Variants in PCDHGA2 observed in about 807,000 individuals in gnomAD.
PCDHGA2 encodes protocadherin gamma-A2.
Under a neutral mutation model 59.2 loss-of-function variants are expected in PCDHGA2, and 40 were observed. The observed-to-expected ratio is 0.68, with a 90% CI of 0.52 to 0.88. The LOEUF (loss-of-function observed/expected upper bound fraction) is 0.88. PCDHGA2 is among the 40% of genes least tolerant of loss of function. The pLI, the probability that PCDHGA2 is intolerant of heterozygous loss-of-function variation, is 0.00. For synonymous variants in PCDHGA2, 560 were observed against 526.0 expected, an observed-to-expected ratio of 1.06 and a Z score of -0.89; for missense variants, 1,226 against 1,204.0, an observed-to-expected ratio of 1.02 and a Z score of -0.27.
chr5:141,438,526 G>A (rs188552043), intron 1 of PCDHGA2, among the ~76,000 whole-genome samples: 11 of 143,330 alleles, frequency 7.7e-5, no homozygotes, highest in Non-Finnish European at 1.5e-4. Flanking sequence ...ATTTTACATG[G>A]ACTTTTCCTC....
chr5:141,440,444 C>G (rs2098178389), intron 1 of PCDHGA2: 1 of 152,038 alleles, frequency 6.6e-6, no homozygotes, highest in Admixed American at 6.6e-5. Context: ...AAGGCGCCAT[C>G]TCAAAAAAAA....
chr5:141,425,528 C>CA (rs890632943), intron 1 of PCDHGA2, among the ~76,000 whole-genome samples: 1 of 152,200 alleles, frequency 6.6e-6, no homozygotes, highest in African/African-American at 2.4e-5. Context: ...AAACATGAAA[C>CA]AATAATCCTT....
chr5:141,430,837 C>T (rs1350348914), intron 1 of PCDHGA2: 4 of 1,559,956 alleles, frequency 2.6e-6, no homozygotes, highest in South Asian at 2.5e-5. Context: ...TGTGGGAGAC[C>T]GGATGCACCC....
chr5:141,415,056 G>T, intron 1 of PCDHGA2: 1 of 1,613,416 alleles, frequency 6.2e-7, no homozygotes. Context: ...GGGAGCACAC[G>T]GGCGAGGTGC....
chr5:141,477,932 C>G lies in PCDHGA2; in HGVS notation c.2425-16875C>G, dbSNP rs1193822505. The G allele has an allele frequency of 3.1e-6, 5 of 1,614,040 alleles. No individual in the cohort carries two copies. The highest frequency in any genetic ancestry group is 4.2e-6 in the Non-Finnish European group (5 of 1,180,042). On this transcript the variant is annotated intron_variant, in intron 1 of 3. Transcript: ENST00000394576. This position sits in a 1 kb window ranked among gnomAD's most constrained non-coding sequence, Gnocchi z 4.9. ...CGCGGATGCAGGGCACAATGCCTGG[C>G]TCTCCTACAGTCTCTTGGGATCCCC... is the stretch of plus-strand genomic sequence containing the variant.
At chr5:141,430,661 G>A in intron 1 of PCDHGA2, 1 of 1,159,744 alleles carries the variant, frequency 8.6e-7, no homozygotes, top group South Asian at 2.1e-5. Context: ...CAACGGAGGA[G>A]CTCTGACTTC....
rs773499765 is a variant in PCDHGA2 at position 141,489,626 on chromosome 5, A to T, written c.2425-5181A>T. 6.2e-6 allele frequency: 10 copies of T among 1,613,568 alleles called. No individual in the cohort carries two copies. In the South Asian group the frequency reaches 9.9e-5, roughly 16 times the overall value. On this transcript the variant is annotated intron_variant, in intron 1 of 3. Coordinates refer to ENST00000394576, the MANE Select transcript of PCDHGA2 (RefSeq NM_018915.4). The surrounding 1 kb of genome is among the most constrained non-coding windows in gnomAD (Gnocchi z 4.5). The stretch of plus-strand genomic sequence containing the variant: ...GTAGAGATCCTGGATCTCAATGACA[A>T]CTCTCCTAGCTTTGCCACCCCTGAG...
chr5:141,346,623 C>G lies in PCDHGA2; in HGVS notation c.2424+5228C>G, dbSNP rs535177018. 1.2e-4 allele frequency: 128 copies of G among 1,041,562 alleles called. 2 individuals carry two copies. The South Asian group carries it at 2.1e-3, about 17-fold the overall frequency. 64.5% of individuals were successfully genotyped at this position (1,041,562 alleles called of 1,614,324 possible). A position where few individuals can be genotyped will look rare whatever the true frequency, so the allele number is the denominator to read the frequency against. ...CTGGGCCTATAGTAGGACTGCACTC[C>G]CCGGTCTGGTTATGGTTGAGTGGGC... On this transcript the variant is annotated intron_variant, in intron 1 of 3. Coordinates refer to ENST00000394576, the MANE Select transcript of PCDHGA2 (RefSeq NM_018915.4).
At chr5:141,344,838 C>G (rs770956068) in intron 1 of PCDHGA2, 6 of 1,613,816 alleles carry the variant, frequency 3.7e-6, no homozygotes, top group South Asian at 3.3e-5. Flanking sequence ...TGCCACTGAC[C>G]CTGACGAGGG....
Position 141,485,183 on chromosome 5 carries a change from A to C in PCDHGA2, c.2425-9624A>C, listed in dbSNP as rs777796801. On this transcript the variant is annotated intron_variant, in intron 1 of 3. Transcript: ENST00000394576. This position sits in a 1 kb window ranked among gnomAD's most constrained non-coding sequence, Gnocchi z 5.7. ...TTAGCGGGCGGCAGCAATGCTCCGC[A>C]AGGTGAGAAGCTGGACAGAAATCTG... 1.9e-6 allele frequency: 3 copies of C among 1,613,248 alleles called. No individual in the cohort carries two copies. The highest frequency in any genetic ancestry group is 3.3e-5 in the Admixed American group (2 of 60,006).
rs779392461 is a variant in PCDHGA2, at chr5:141,428,623, TC to T, written c.2425-66183del. 3.1e-5 allele frequency: 6 copies of T among 193,516 alleles called. No individual in the cohort carries two copies. In the East Asian group the frequency reaches 5.4e-4, roughly 17 times the overall value. 12.0% of individuals were successfully genotyped at this position (193,516 alleles called of 1,614,324 possible). ...CACTGAAGAGAATAACAAGATAAGC[TC>T]TAACTCTGTTGCTCCTACTCACGTG... On this transcript the variant is annotated intron_variant, in intron 1 of 3. Coordinates refer to ENST00000394576, the MANE Select transcript of PCDHGA2 (RefSeq NM_018915.4).
At chr5:141,475,600 T>A (rs1023916159) in intron 1 of PCDHGA2, among the ~76,000 whole-genome samples, 2 of 152,192 alleles carry the variant, frequency 1.3e-5, no homozygotes, top group Admixed American at 1.3e-4. Context: ...TTCCAGACAA[T>A]GTTGTGTAGT....
rs1256790840 is a variant in PCDHGA2, at chr5:141,392,835, C to T, written c.2424+51440C>T. 8 of 1,608,038 alleles carry T rather than the reference C, an allele frequency of 5.0e-6. No individual in the cohort carries two copies. In the South Asian group the frequency reaches 5.5e-5, roughly 11 times the overall value. On this transcript the variant is annotated intron_variant, in intron 1 of 3. Coordinates refer to ENST00000394576, the MANE Select transcript of PCDHGA2 (RefSeq NM_018915.4). The stretch of plus-strand genomic sequence containing the variant: ...AACAATGGCCGCTCCACAGAGTCGC[C>T]CCAGACGCGGCGAGCTGATCCTGCT...
At position 141,408,231 on chromosome 5, in the gene PCDHGA2, G is replaced by C. The variant is rs775180708; in HGVS notation, c.2424+66836G>C. 1.0e-5 allele frequency: 16 copies of C among 1,567,976 alleles called. No individual in the cohort carries two copies. The highest frequency in any genetic ancestry group is 1.2e-5 in the Non-Finnish European group (14 of 1,156,162). ...GGAGGGAGCTGCGCGCAGAGGCGCC[G>C]GGCCGGCCCGCGGCAGGTGCTATTT... is the stretch of plus-strand genomic sequence containing the variant. On this transcript the variant is annotated intron_variant, in intron 1 of 3. Transcript: ENST00000394576.
chr5:141,394,451 G>A (rs774912185), intron 1 of PCDHGA2: 1 of 1,614,118 alleles, frequency 6.2e-7, no homozygotes, highest in Non-Finnish European at 8.5e-7. Flanking sequence ...GCAGCAACAT[G>A]TCACTGAGCC....
chr5:141,393,964 G>C, intron 1 of PCDHGA2: 1 of 1,613,870 alleles, frequency 6.2e-7, no homozygotes, highest in Middle Eastern at 1.6e-4. Flanking sequence ...CAAGTTGTCT[G>C]TTACACACGT....
chr5:141,383,486 T>C, intron 1 of PCDHGA2: 1 of 1,613,372 alleles, frequency 6.2e-7, no homozygotes, highest in Non-Finnish European at 8.5e-7. Context: ...GAACTGGTGC[T>C]GGAGCGGGTG....
intron 1 of PCDHGA2, among the ~76,000 whole-genome samples, chr5:141,469,206 A>T (rs752389937): frequency 6.6e-6 from 1 of 150,920 alleles, no homozygotes; most frequent in African/African-American, 2.4e-5. Flanking sequence ...AGCCTTTTGA[A>T]GTTGAGGCTT....
intron 1 of PCDHGA2, chr5:141,376,562 C>G: frequency 1.2e-6 from 2 of 1,608,850 alleles, no homozygotes; most frequent in Non-Finnish European, 8.5e-7. Context: ...CGCAACCCAA[C>G]TAATCAGACA....
Sources: allele counts gnomAD v4.1 joint callset (sites outside exome capture counted in the v4.1 genomes callset), GRCh38; gene constraint gnomAD v4.1.1; non-coding constraint Gnocchi (gnomAD v3.1); transcripts MANE v1.5; gene names NCBI Gene and HGNC (gene_info 2026-07-23, HGNC 2026-07-21).